PLEKHG1: variants seen among roughly 807,000 people sequenced by gnomAD.
PLEKHG1 encodes the protein pleckstrin homology and RhoGEF domain containing G1.
In PLEKHG1, 44 loss-of-function variants were observed where a neutral mutation model predicts 100.8. The ratio of observed to expected loss-of-function variants is 0.44; its 90% CI spans 0.34 to 0.56. PLEKHG1 has a LOEUF of 0.56. PLEKHG1 is among the 20% of genes least tolerant of loss of function. PLEKHG1 has a pLI of 0.01. For missense variants in PLEKHG1, 1,545 were observed against 1,720.9 expected (o/e 0.90, Z 1.81); for synonymous variants, 640 against 662.5 (o/e 0.97, Z 0.52).
intron 3 of PLEKHG1, among the ~76,000 whole-genome samples, chr6:150,685,140 A>G (rs1476328213): frequency 6.6e-6 from 1 of 151,776 alleles, no homozygotes; most frequent in Non-Finnish European, 1.5e-5. Context: ...GTTCTTCAAG[A>G]TCTCTCCTTA....
chr6:150,816,440 G>A (rs1051206162), intron 10 of PLEKHG1, among the ~76,000 whole-genome samples: 3 of 132,908 alleles, frequency 2.3e-5, no homozygotes, highest in Non-Finnish European at 4.6e-5. Context: ...CAATTCTCCT[G>A]CCTCAGCCTC....
intron 10 of PLEKHG1, among the ~76,000 whole-genome samples, chr6:150,815,910 A>T (rs1184821718): frequency 6.6e-6 from 1 of 152,190 alleles, no homozygotes; most frequent in African/African-American, 2.4e-5. Context: ...GGCACCAGGG[A>T]TTGGTTTTGT....
intron 3 of PLEKHG1, among the ~76,000 whole-genome samples, chr6:150,691,547 G>A (rs902895012): frequency 2.0e-5 from 3 of 152,164 alleles, no homozygotes; most frequent in East Asian, 1.9e-4. Context: ...AATAATTTCT[G>A]TCTGTAGAGC....
rs186376455 is a variant in PLEKHG1, at chr6:150,670,598, C to T, written c.-99+19812C>T. Among the ~76,000 whole-genome samples, 12 of 152,286 alleles carry T rather than the reference C, an allele frequency of 7.9e-5. No individual in the cohort carries two copies. The East Asian group carries it at 2.3e-3, about 29-fold the overall frequency. ...TAAAAAATGCTTTTGCATTCTTGTG[C>T]TCATTCAGCAAAACTTTGGAGTTCC... On this transcript the variant is annotated intron_variant, in intron 3 of 3. Coordinates refer to the PLEKHG1 transcript ENST00000367326.
intron 1 of PLEKHG1, among the ~76,000 whole-genome samples, chr6:150,726,214 C>T (rs1034875570): frequency 2.0e-5 from 3 of 152,078 alleles, no homozygotes; most frequent in Non-Finnish European, 4.4e-5. Flanking sequence ...CTATAGCTAA[C>T]AATACTATAT....
chr6:150,819,029 C>G (rs779747245), intron 11 of PLEKHG1, among the ~76,000 whole-genome samples: 20 of 152,124 alleles, frequency 1.3e-4, no homozygotes, highest in Non-Finnish European at 2.2e-4. Flanking sequence ...TCCAACAGAC[C>G]CGAGAAATGA....
At chr6:150,606,097 A>G (rs1776588116) in intron 1 of PLEKHG1, among the ~76,000 whole-genome samples, 1 of 152,218 alleles carries the variant, frequency 6.6e-6, no homozygotes, top group South Asian at 2.1e-4. Flanking sequence ...GATCTAATGT[A>G]TTTTTAAAAA....
chr6:150,742,748 C>T (rs1266822222), intron 2 of PLEKHG1, among the ~76,000 whole-genome samples: 9 of 152,070 alleles, frequency 5.9e-5, no homozygotes, highest in Non-Finnish European at 1.3e-4. Context: ...GGACACAGAT[C>T]CAAACTATAT....
upstream of PLEKHG1, among the ~76,000 whole-genome samples, chr6:150,717,229 T>A (rs959184825): frequency 1.3e-5 from 2 of 151,464 alleles, no homozygotes; most frequent in Non-Finnish European, 2.9e-5. Flanking sequence ...TAGTAGATTC[T>A]GAGTTTTACC....
chr6:150,651,440 G>A (rs553052523), intron 3 of PLEKHG1, among the ~76,000 whole-genome samples: 12 of 152,170 alleles, frequency 7.9e-5, no homozygotes, highest in Admixed American at 6.5e-4. Flanking sequence ...CACCACGTTG[G>A]CCAGGCTGGT....
intron 6 of PLEKHG1, among the ~76,000 whole-genome samples, chr6:150,801,558 A>AT (rs1293101580): frequency 6.7e-6 from 1 of 149,296 alleles, no homozygotes; most frequent in Admixed American, 6.8e-5. Flanking sequence ...CTACCTCAGC[A>AT]TCCTGAGTAC....
At chr6:150,657,873 C>T (rs1297651522) in intron 3 of PLEKHG1, among the ~76,000 whole-genome samples, 7 of 152,190 alleles carry the variant, frequency 4.6e-5, no homozygotes, top group East Asian at 1.9e-4. Flanking sequence ...GGACCAGATG[C>T]GCCCAGTAGT....
At chr6:150,687,569 C>T (rs1048453977) in intron 3 of PLEKHG1, among the ~76,000 whole-genome samples, 10 of 152,076 alleles carry the variant, frequency 6.6e-5, no homozygotes, top group African/African-American at 2.4e-4. Flanking sequence ...AATACCTGAC[C>T]TCGTTCTCTT....
chr6:150,819,084 A>C (rs1776148984), intron 11 of PLEKHG1, among the ~76,000 whole-genome samples: 1 of 150,062 alleles, frequency 6.7e-6, no homozygotes, highest in South Asian at 2.1e-4. Flanking sequence ...TTCTCTAGAC[A>C]TCAACATTTT....
intron 3 of PLEKHG1, among the ~76,000 whole-genome samples, chr6:150,674,486 T>C (rs868717454): frequency 2.0e-5 from 3 of 152,206 alleles, no homozygotes; most frequent in South Asian, 2.1e-4. Flanking sequence ...CTAAGAATTA[T>C]ATCCACCTAA....
chr6:150,774,196 T>C (rs370461619), intron 3 of PLEKHG1, among the ~76,000 whole-genome samples: 8 of 152,246 alleles, frequency 5.3e-5, no homozygotes, highest in African/African-American at 1.7e-4. Context: ...TTTCATGTCT[T>C]ATTGCTTTGG....
chr6:150,641,766 G>A (rs1778269845), intron 2 of PLEKHG1, among the ~76,000 whole-genome samples: 1 of 146,542 alleles, frequency 6.8e-6, no homozygotes. Context: ...AAGCTCATCT[G>A]AAATAGCCTC....
rs140362836 is a variant in PLEKHG1, at chr6:150,693,679, C to T, written c.-98-39905C>T. Among the ~76,000 whole-genome samples the T allele has an allele frequency of 3.3e-5, 5 of 152,344 alleles. No individual in the cohort carries two copies. The East Asian group carries it at 9.7e-4, about 29-fold the overall frequency. On this transcript the variant is annotated intron_variant, in intron 3 of 3. Transcript: ENST00000367326. ...CTCACCCGCTCTAAGCACATCCTCA[C>T]CCATCACCTCCTTCCAGAGCCAGCT...
At chr6:150,737,570 G>A (rs1418294940) in intron 2 of PLEKHG1, among the ~76,000 whole-genome samples, 1 of 152,186 alleles carries the variant, frequency 6.6e-6, no homozygotes, top group Non-Finnish European at 1.5e-5. Context: ...GGGATTACAG[G>A]CGTGAGCCAC....
Sources: gnomAD v4.1 joint callset for allele counts (sites outside exome capture counted in the v4.1 genomes callset) on GRCh38, gnomAD v4.1.1 for gene constraint, MANE v1.5 for transcripts, NCBI Gene and HGNC (gene_info 2026-07-23, HGNC 2026-07-21) for gene names.